OSTN: variants seen among roughly 807,000 people sequenced by gnomAD.
OSTN encodes the protein osteocrin.
OSTN carries 9 observed loss-of-function variants against 12.0 expected under a neutral mutation model. That is an observed-to-expected ratio of 0.75 (90% CI 0.45 to 1.30). The LOEUF is 1.30. OSTN is among the 50% of genes most tolerant of loss of function. The probability of loss-of-function intolerance (pLI) is 0.00; values close to 1 mark genes in which losing one functional copy is unlikely to be tolerated. For missense variants in OSTN, 148 were observed against 152.3 expected (o/e 0.97, Z 0.15); for synonymous variants, 59 against 56.9 (o/e 1.04, Z -0.16).
intron 3 of OSTN, among the ~76,000 whole-genome samples, chr3:191,245,136 G>T (rs1484577055): frequency 1.3e-5 from 2 of 152,100 alleles, no homozygotes; most frequent in South Asian, 2.1e-4. Context: ...AAAACCACTG[G>T]ACTAGACTGG....
intron 3 of OSTN, among the ~76,000 whole-genome samples, chr3:191,221,033 G>A (rs960401526): frequency 7.2e-5 from 11 of 152,050 alleles, no homozygotes; most frequent in South Asian, 2.1e-4. Flanking sequence ...GGTTACCCCC[G>A]TGCTGAAGTT....
intron 3 of OSTN, among the ~76,000 whole-genome samples, chr3:191,241,140 C>CA (rs1027711992): frequency 7.3e-6 from 1 of 137,902 alleles, no homozygotes; most frequent in African/African-American, 2.6e-5. Flanking sequence ...GGATAGAACT[C>CA]AAAGTTGGTG....
At chr3:191,205,529 C>A (rs922459227) in intron 1 of OSTN, among the ~76,000 whole-genome samples, 10 of 151,488 alleles carry the variant, frequency 6.6e-5, no homozygotes, top group South Asian at 4.1e-4. Flanking sequence ...TCTGAAAATT[C>A]TTATTATCAA....
At chr3:191,224,398 A>G (rs551005773) in intron 3 of OSTN, among the ~76,000 whole-genome samples, 2 of 151,958 alleles carry the variant, frequency 1.3e-5, no homozygotes, top group East Asian at 3.9e-4. Flanking sequence ...AAAAAAAGAA[A>G]CATATTAATA....
intron 3 of OSTN, among the ~76,000 whole-genome samples, chr3:191,244,808 ATATT>A (rs1342603908): frequency 6.6e-6 from 1 of 151,176 alleles, no homozygotes; most frequent in Non-Finnish European, 1.5e-5. Context: ...TTTTATATAT[ATATT>A]TGTTTTATTT....
At chr3:191,261,633 A>C (rs1306874766) in intron 4 of OSTN, among the ~76,000 whole-genome samples, 1 of 152,212 alleles carries the variant, frequency 6.6e-6, no homozygotes, top group Non-Finnish European at 1.5e-5. Context: ...TATGTCAAGG[A>C]AGTATATTTT....
Position 191,259,435 on chromosome 3 carries a change from T to G in OSTN, c.*13-3431T>G, listed in dbSNP as rs115754006. ...CCAGGCTGGCCTCGAACTCGTGACA[T>G]CATGATCCACCCGCCTTGGCCTCCC... On this transcript the variant is annotated intron_variant, in intron 4 of 4. Coordinates refer to ENST00000682035, the MANE Select transcript of OSTN (RefSeq NM_198184.2). 2.5e-3 allele frequency among the ~76,000 whole-genome samples: 378 copies of G among 151,820 alleles called. 7 individuals are homozygous for G. The highest frequency in any genetic ancestry group is 8.8e-3 in the African/African-American group (365 of 41,452).
chr3:191,235,826 C>G (rs926269043), intron 3 of OSTN, among the ~76,000 whole-genome samples: 2 of 152,190 alleles, frequency 1.3e-5, no homozygotes, highest in Admixed American at 1.3e-4. Context: ...ATCCTTGACT[C>G]TCATTACTGA....
At chr3:191,204,188 C>A (rs1000893993) in intron 1 of OSTN, among the ~76,000 whole-genome samples, 3 of 152,206 alleles carry the variant, frequency 2.0e-5, no homozygotes, top group Admixed American at 1.3e-4. Context: ...CCGTGCCCAG[C>A]TGATATTTTA....
At chr3:191,233,992 C>CAAA (rs770286956) in intron 3 of OSTN, among the ~76,000 whole-genome samples, 3 of 131,796 alleles carry the variant, frequency 2.3e-5, no homozygotes, top group African/African-American at 5.2e-5. Flanking sequence ...AACTCCATCT[C>CAAA]AAAAAAAAAA....
chr3:191,226,798 T>G (rs1256299070), intron 3 of OSTN, among the ~76,000 whole-genome samples: 4 of 152,168 alleles, frequency 2.6e-5, no homozygotes, highest in Non-Finnish European at 5.9e-5. Flanking sequence ...TTTGAATAAG[T>G]GATGTTGGGA....
intron 3 of OSTN, among the ~76,000 whole-genome samples, chr3:191,225,960 C>T (rs1385827817): frequency 6.6e-6 from 1 of 151,894 alleles, no homozygotes; most frequent in African/African-American, 2.4e-5. Flanking sequence ...ACGTACATAC[C>T]CTGAATCTAA....
chr3:191,235,227 G>C (rs1224950669), intron 3 of OSTN, among the ~76,000 whole-genome samples: 3 of 152,008 alleles, frequency 2.0e-5, no homozygotes, highest in African/African-American at 7.3e-5. Flanking sequence ...GAATCCCTAT[G>C]GTTACTTGTA....
intron 4 of OSTN, among the ~76,000 whole-genome samples, chr3:191,259,123 A>C (rs1359635989): frequency 6.6e-6 from 1 of 151,926 alleles, no homozygotes; most frequent in Non-Finnish European, 1.5e-5. Context: ...TCTTTTCTAG[A>C]CCTTTTCCTG....
chr3:191,259,567 C>T (rs1009786775), intron 4 of OSTN, among the ~76,000 whole-genome samples: 3 of 151,548 alleles, frequency 2.0e-5, no homozygotes, highest in Non-Finnish European at 2.9e-5. Context: ...TCTGACTTAA[C>T]CAAGGATGTA....
chr3:191,241,264 C>T (rs1408470534), intron 3 of OSTN, among the ~76,000 whole-genome samples: 2 of 141,330 alleles, frequency 1.4e-5, no homozygotes, highest in East Asian at 4.4e-4. Context: ...CTGCAAGTTC[C>T]GCCTCCCGGG....
intron 2 of OSTN, among the ~76,000 whole-genome samples, chr3:191,218,512 A>G (rs1054677689): frequency 3.3e-5 from 5 of 152,168 alleles, no homozygotes; most frequent in Admixed American, 1.3e-4. Context: ...AATCCCAGCT[A>G]CTTGGGAAGC....
At chr3:191,259,466 G>T (rs1191867203) in intron 4 of OSTN, among the ~76,000 whole-genome samples, 1 of 151,140 alleles carries the variant, frequency 6.6e-6, no homozygotes, top group Non-Finnish European at 1.5e-5. Flanking sequence ...CTCCCGAAGT[G>T]CTGGGATTAC....
At chr3:191,260,396 C>G (rs145879088) in intron 4 of OSTN, among the ~76,000 whole-genome samples, 124 of 152,130 alleles carry the variant, frequency 8.2e-4, no homozygotes, top group African/African-American at 2.5e-3. Context: ...AAAAATCTCA[C>G]TCCCGGAAAC....
Sources: allele counts gnomAD v4.1 joint callset (sites outside exome capture counted in the v4.1 genomes callset), GRCh38; gene constraint gnomAD v4.1.1; transcripts MANE v1.5; gene names NCBI Gene and HGNC (gene_info 2026-07-23, HGNC 2026-07-21).